The following CARD9 variants were observed in gnomAD, a reference collection of about 807,000 sequenced individuals.
CARD9 encodes caspase recruitment domain family member 9.
CARD9 carries 53 observed loss-of-function variants against 66.0 expected under a neutral mutation model. The ratio of observed to expected loss-of-function variants is 0.80; its 90% CI spans 0.64 to 1.01. The LOEUF (loss-of-function observed/expected upper bound fraction) is 1.01, where lower values mean the gene tolerates loss of function less well. CARD9 is among the 50% of genes least tolerant of loss of function. The probability of loss-of-function intolerance (pLI) is 0.00; values close to 1 mark genes in which losing one functional copy is unlikely to be tolerated. For missense variants in CARD9, 769 were observed against 743.2 expected (o/e 1.03, Z -0.40); for synonymous variants, 387 against 313.8 (o/e 1.23, Z -2.47).
In CARD9 at chr9:136,371,399, G is replaced by C. The variant is rs1293607739; in HGVS notation, c.247C>G (p.Leu83Val). 1 of 1,594,488 alleles carries C rather than the reference G, an allele frequency of 6.3e-7. No homozygotes were observed. Among genetic ancestry groups the C allele is most frequent in the Non-Finnish European group, 8.5e-7 (1 of 1,170,698 alleles). Residue 83 changes from leucine to valine, a missense_variant, in exon 3 of 13, where the codon CTG (leucine) becomes GTG (valine). Transcript: ENST00000371732. The stretch of plus-strand genomic sequence containing the variant: ...TACAGCTGCGGGTAGTAGAGCTCCA[G>C]GCTCTCGAGGAAGGCCACGTAGCCC... ...HKGYVAFLES[L>V]ELYYPQLYKK...
rs1316256743 is a variant in CARD9, at chr9:136,365,555, C to G, written c.1358-338G>C. ...GGGCCTGAGCAGCACCGTCCCCCATCACTCCAAAGCATCTGTGGGCATGGC... is the reference window on the plus strand; with the variant it reads ...GGGCCTGAGCAGCACCGTCCCCCATGACTCCAAAGCATCTGTGGGCATGGC... On this transcript the variant is annotated intron_variant, in intron 10 of 12. Coordinates refer to ENST00000371732, the MANE Select transcript of CARD9 (RefSeq NM_052813.5). 7 of 374,806 alleles carry G rather than the reference C, an allele frequency of 1.9e-5. No individual in the cohort carries two copies. The South Asian group carries it at 2.3e-4, about 12-fold the overall frequency. The allele number at this position is 374,806 out of a possible 1,614,324, so 23.2% of individuals were successfully genotyped here. A position where few individuals can be genotyped will look rare whatever the true frequency, so the allele number is the denominator to read the frequency against.
intron 11 of CARD9, 85 bp downstream of exon 11, chr9:136,365,056 G>C: frequency 7.4e-7 from 1 of 1,359,226 alleles, no homozygotes; most frequent in Non-Finnish European, 1.0e-6. Flanking sequence ...ACCGCAGGGG[G>C]TGCCCAGGGC....
At chr9:136,372,578 G>A (rs1833301779) in intron 1 of CARD9, among the ~76,000 whole-genome samples, 4 of 152,242 alleles carry the variant, frequency 2.6e-5, no homozygotes, top group Admixed American at 2.6e-4. Flanking sequence ...GTGAGAGCAG[G>A]TTGGCCAGTG....
chr9:136,363,994 T>C lies in CARD9; in HGVS notation c.*308A>G, dbSNP rs778282710. 1.6e-6 allele frequency: 2 copies of C among 1,262,068 alleles called. No individual in the cohort carries two copies. The highest frequency in any genetic ancestry group is 2.6e-5 in the South Asian group (2 of 78,060). The allele number at this position is 1,262,068 out of a possible 1,614,324, so 78.2% of individuals were successfully genotyped here. ...TGCTGTTTATTTACGCAGCTGTGTT[T>C]TCTAACACTAATACAATGCATGCAT... On this transcript the variant is annotated 3_prime_UTR_variant, in exon 13 of 13. Transcript: ENST00000371732.
intron 1 of CARD9, among the ~76,000 whole-genome samples, chr9:136,372,585 A>C (rs1320376955): frequency 6.6e-6 from 1 of 152,248 alleles, no homozygotes; most frequent in African/African-American, 2.4e-5. Flanking sequence ...CAGGTTGGCC[A>C]GTGGCCCTCC....
At chr9:136,364,609 CG>C in intron 11 of CARD9, 50 bp from the exon 12 acceptor site, 1 of 1,511,538 alleles carries the variant, frequency 6.6e-7, no homozygotes, top group South Asian at 1.2e-5. Context: ...TGAGGGAACC[CG>C]TCCTTCTCAC....
At chr9:136,370,078 T>C in intron 6 of CARD9, 2 of 1,381,986 alleles carry the variant, frequency 1.4e-6, no homozygotes, top group Non-Finnish European at 1.9e-6. Context: ...CAGACACTGC[T>C]GTGCCTCAGG....
At chr9:136,364,908 C>T in intron 11 of CARD9, 2 of 596,508 alleles carry the variant, frequency 3.4e-6, no homozygotes, top group Non-Finnish European at 6.0e-6. Context: ...AAACCAGGAC[C>T]AGGCACATCC....
intron 1 of CARD9, 142 bp from the exon 2 acceptor site, chr9:136,372,236 C>G: frequency 1.7e-6 from 2 of 1,185,104 alleles, no homozygotes; most frequent in Non-Finnish European, 2.4e-6. Context: ...AGGAGAGGTG[C>G]CCAGCTCCAT....
chr9:136,366,509 C>T (rs936313029), intron 10 of CARD9: 11 of 515,964 alleles, frequency 2.1e-5, no homozygotes, highest in South Asian at 8.5e-5. Flanking sequence ...ACTCTCAGGA[C>T]GGTGGGCCTG....
At chr9:136,367,406 TA>T in intron 8 of CARD9, 149 bp from the exon 9 acceptor site, 1 of 1,034,564 alleles carries the variant, frequency 9.7e-7, no homozygotes, top group South Asian at 1.5e-5. Flanking sequence ...AACAACCTGC[TA>T]GGCTGCCTGA....
chr9:136,372,928 G>C (rs73670239), intron 1 of CARD9, among the ~76,000 whole-genome samples: 227 of 152,360 alleles, frequency 1.5e-3, no homozygotes, highest in African/African-American at 5.1e-3. Context: ...TCCTGCCCCA[G>C]ATGAGGCCCG....
Position 136,364,031 on chromosome 9 carries a change from TA to T in CARD9, c.*270del. On this transcript the variant is annotated 3_prime_UTR_variant, in exon 13 of 13. Coordinates refer to ENST00000371732, the MANE Select transcript of CARD9 (RefSeq NM_052813.5). ...TACAATGCATGCATGTATTGTGTGT[TA>T]CATGGTGAAACAGAACAGATCCTGA... 1 of 1,471,790 alleles carries T rather than the reference TA, an allele frequency of 6.8e-7. No homozygotes were observed. The highest frequency in any genetic ancestry group is 1.2e-5 in the South Asian group (1 of 82,424). 91.2% of individuals were successfully genotyped at this position (1,471,790 alleles called of 1,614,324 possible). A position where few individuals can be genotyped will look rare whatever the true frequency, so the allele number is the denominator to read the frequency against.
chr9:136,367,005 T>G (rs895124925), intron 9 of CARD9, among the ~76,000 whole-genome samples, 160 bp from the exon 10 acceptor site: 1 of 152,166 alleles, frequency 6.6e-6, no homozygotes, highest in Non-Finnish European at 1.5e-5. Context: ...AGACGGACAT[T>G]GGGCGGCCAG....
intron 10 of CARD9, 99 bp downstream of exon 10, chr9:136,366,701 G>A (rs1833132416): frequency 2.3e-6 from 3 of 1,286,346 alleles, no homozygotes; most frequent in Admixed American, 1.7e-5. Context: ...GGGTTGTGGG[G>A]GTTGACACAG....
chr9:136,373,007 G>A (rs1833311726), intron 1 of CARD9, among the ~76,000 whole-genome samples: 1 of 152,244 alleles, frequency 6.6e-6, no homozygotes, highest in Non-Finnish European at 1.5e-5. Context: ...CTTTCTGCCA[G>A]CATGGTGGGG....
rs1002512596 is a variant in CARD9 at position 136,364,071 on chromosome 9, G to A, written c.*231C>T. 1.3e-6 allele frequency: 2 copies of A among 1,546,208 alleles called. No individual in the cohort carries two copies. The highest frequency in any genetic ancestry group is 1.4e-5 in the African/African-American group (1 of 72,978). ...AACAGATCCTGAAGTTACACAGATG[G>A]CGTGTGCATGGGGGTGGTGAGCACC... On this transcript the variant is annotated 3_prime_UTR_variant, in exon 13 of 13. Coordinates refer to ENST00000371732, the MANE Select transcript of CARD9 (RefSeq NM_052813.5).
At chr9:136,371,559 C>A in intron 2 of CARD9, 98 bp from the exon 3 acceptor site, 1 of 1,495,082 alleles carries the variant, frequency 6.7e-7, no homozygotes, top group Non-Finnish European at 9.0e-7. Flanking sequence ...GGCTGGCATG[C>A]AGATGAGGTG....
intron 7 of CARD9, among the ~76,000 whole-genome samples, chr9:136,368,856 G>A (rs1377281059): frequency 2.6e-5 from 4 of 151,458 alleles, no homozygotes; most frequent in Admixed American, 2.6e-4. Flanking sequence ...GTCTCGCTCT[G>A]TCACCCAGGC....
Sources: gnomAD v4.1 joint callset for allele counts (sites outside exome capture counted in the v4.1 genomes callset) on GRCh38, gnomAD v4.1.1 for gene constraint, MANE v1.5 for transcripts, NCBI Gene and HGNC (gene_info 2026-07-23, HGNC 2026-07-21) for gene names.